The following KPNA1 variants were observed in gnomAD, a reference collection of about 807,000 sequenced individuals.
KPNA1 encodes the protein karyopherin subunit alpha 1.
KPNA1 carries 10 observed loss-of-function variants against 70.5 expected under a neutral mutation model. The observed-to-expected ratio is 0.14, with a 90% CI of 0.09 to 0.24. The LOEUF (loss-of-function observed/expected upper bound fraction) is 0.24. Ranked by LOEUF, KPNA1 falls within the 10% of genes least tolerant of loss-of-function variation. The pLI, the probability that KPNA1 is intolerant of heterozygous loss-of-function variation, is 1.00. For synonymous variants in KPNA1, 192 were observed against 221.9 expected (o/e 0.87, Z 1.20); for missense variants, 397 against 637.9 (o/e 0.62, Z 4.07).
chr3:122,432,660 T>A (rs970143452), intron 12 of KPNA1: 1 of 152,210 alleles, frequency 6.6e-6, no homozygotes, highest in Non-Finnish European at 1.5e-5. Flanking sequence ...GCTCCATTTT[T>A]CTCTTCATCA....
intron 2 of KPNA1, among the ~76,000 whole-genome samples, chr3:122,475,897 T>C (rs1342262853): frequency 6.6e-6 from 1 of 152,188 alleles, no homozygotes; most frequent in Non-Finnish European, 1.5e-5. Flanking sequence ...AGGGCCTTCA[T>C]CTTCTCATCT....
At chr3:122,468,939 G>A (rs2076411728) in intron 2 of KPNA1, among the ~76,000 whole-genome samples, 1 of 152,134 alleles carries the variant, frequency 6.6e-6, no homozygotes, top group Admixed American at 6.5e-5. Flanking sequence ...AAATAGAACA[G>A]AGTATCTATG....
chr3:122,501,981 T>C (rs976768855), intron 1 of KPNA1, among the ~76,000 whole-genome samples: 2 of 152,236 alleles, frequency 1.3e-5, no homozygotes, highest in Non-Finnish European at 2.9e-5. Flanking sequence ...GAGCTCCTTA[T>C]TATGCTAAAA....
chr3:122,490,033 T>C (rs992795530), intron 2 of KPNA1, among the ~76,000 whole-genome samples: 2 of 152,246 alleles, frequency 1.3e-5, no homozygotes, highest in East Asian at 1.9e-4. Flanking sequence ...TTTCCAGCCC[T>C]GTGTAAGTAC....
chr3:122,458,542 C>T (rs1169526739), intron 5 of KPNA1, among the ~76,000 whole-genome samples: 1 of 152,182 alleles, frequency 6.6e-6, no homozygotes, highest in African/African-American at 2.4e-5. Context: ...TTAAGTTTGT[C>T]CACAAGATTT....
intron 2 of KPNA1, among the ~76,000 whole-genome samples, chr3:122,468,797 C>G (rs1403729649): frequency 6.6e-6 from 1 of 152,110 alleles, no homozygotes; most frequent in Non-Finnish European, 1.5e-5. Context: ...AGATCAACAA[C>G]AACAGAAATG....
At chr3:122,499,954 T>C (rs2076807555) in intron 1 of KPNA1, among the ~76,000 whole-genome samples, 1 of 152,230 alleles carries the variant, frequency 6.6e-6, no homozygotes, top group Admixed American at 6.5e-5. Context: ...GGCTGTTTCT[T>C]TGCGGGCAGT....
At chr3:122,514,632 A>G (rs1287677677) in intron 1 of KPNA1, 125 bp downstream of exon 1, 1 of 151,658 alleles carries the variant, frequency 6.6e-6, no homozygotes, top group Admixed American at 6.6e-5. Context: ...CCGGCCCAGG[A>G]ACCCCGGCTC....
chr3:122,480,715 A>C (rs2076561881), intron 2 of KPNA1, among the ~76,000 whole-genome samples: 4 of 152,066 alleles, frequency 2.6e-5, no homozygotes, highest in South Asian at 2.1e-4. Context: ...GGCCAGGCAC[A>C]GTGCCTCACA....
intron 10 of KPNA1, among the ~76,000 whole-genome samples, chr3:122,439,467 A>C (rs1471916629): frequency 6.6e-6 from 1 of 152,108 alleles, no homozygotes; most frequent in Non-Finnish European, 1.5e-5. Context: ...TAGGAATACA[A>C]GCATGAGCCA....
chr3:122,502,269 T>C (rs1207668135), intron 1 of KPNA1, among the ~76,000 whole-genome samples: 1 of 152,180 alleles, frequency 6.6e-6, no homozygotes, highest in Non-Finnish European at 1.5e-5. Context: ...AATTGTGCCG[T>C]CCCCTCAAAA....
rs1376878144 is a variant in KPNA1, at chr3:122,452,210, A to G, written c.565-146T>C. 4 of 722,754 alleles carry G rather than the reference A, an allele frequency of 5.5e-6. No homozygotes were observed. In the Admixed American group the frequency reaches 7.2e-5, roughly 13 times the overall value. 44.8% of individuals were successfully genotyped at this position (722,754 alleles called of 1,614,324 possible). On this transcript the variant is annotated intron_variant, in intron 6 of 13. Coordinates refer to ENST00000344337, the MANE Select transcript of KPNA1 (RefSeq NM_002264.4). The stretch of plus-strand genomic sequence containing the variant: ...GGGGGAGGAAGATAAATAATATCCT[A>G]AAGTGTACAACAAACAGAAGGTATT...
intron 9 of KPNA1, among the ~76,000 whole-genome samples, chr3:122,447,179 C>G (rs2076149207): frequency 6.6e-6 from 1 of 152,200 alleles, no homozygotes; most frequent in African/African-American, 2.4e-5. Flanking sequence ...ATGAGGCCAG[C>G]ATCATCCTGA....
intron 3 of KPNA1, among the ~76,000 whole-genome samples, chr3:122,464,530 A>G (rs536493147): frequency 6.6e-6 from 1 of 152,282 alleles, no homozygotes; most frequent in East Asian, 1.9e-4. Context: ...GTCTTACTCT[A>G]TCACTAAGGG....
chr3:122,475,158 T>C (rs1305931113), intron 2 of KPNA1, among the ~76,000 whole-genome samples: 1 of 152,144 alleles, frequency 6.6e-6, no homozygotes, highest in Non-Finnish European at 1.5e-5. Flanking sequence ...TTCAGGAAAG[T>C]TGTAGGATAT....
intron 11 of KPNA1, among the ~76,000 whole-genome samples, chr3:122,434,508 T>C (rs1192929107): frequency 6.6e-6 from 1 of 152,196 alleles, no homozygotes. Context: ...TTAGGTCTGC[T>C]AGTCATCTCA....
rs1407855619 is a variant in KPNA1 at position 122,422,929 on chromosome 3, T to C, written c.*4056A>G. ...TCTTTTCTTTCTTCTTACCCCAAGC[T>C]TCCAGATGTATTTTATGTCCAGTAG... On this transcript the variant is annotated 3_prime_UTR_variant, in exon 14 of 14. Coordinates refer to ENST00000344337, the MANE Select transcript of KPNA1 (RefSeq NM_002264.4). 2.6e-5 allele frequency: 4 copies of C among 152,232 alleles called. No individual in the cohort carries two copies. The highest frequency in any genetic ancestry group is 5.9e-5 in the Non-Finnish European group (4 of 68,034). The allele number at this position is 152,232 out of a possible 1,614,324, so 9.4% of individuals were successfully genotyped here. A position where few individuals can be genotyped will look rare whatever the true frequency, so the allele number is the denominator to read the frequency against.
At chr3:122,466,181 G>A (rs2076378099) in intron 3 of KPNA1, among the ~76,000 whole-genome samples, 1 of 151,814 alleles carries the variant, frequency 6.6e-6, no homozygotes, top group Admixed American at 6.6e-5. Flanking sequence ...ATGTAAACTG[G>A]AGATCTATGA....
At chr3:122,431,805 CTTT>C (rs199643020) in intron 12 of KPNA1, among the ~76,000 whole-genome samples, 6 of 144,690 alleles carry the variant, frequency 4.1e-5, no homozygotes, top group East Asian at 2.0e-4. Flanking sequence ...TCTTCTTCTT[CTTT>C]TTTTTTTTTT....
Sources: allele counts gnomAD v4.1 joint callset (sites outside exome capture counted in the v4.1 genomes callset), GRCh38; gene constraint gnomAD v4.1.1; transcripts MANE v1.5; gene names NCBI Gene and HGNC (gene_info 2026-07-23, HGNC 2026-07-21).